GMDS: variants seen among roughly 807,000 people sequenced by gnomAD.
GMDS encodes GDP-mannose 4,6 dehydratase.
GMDS carries 20 observed loss-of-function variants against 49.9 expected under a neutral mutation model. The observed-to-expected ratio is 0.40, with a 90% CI of 0.28 to 0.58. The LOEUF (loss-of-function observed/expected upper bound fraction) is 0.58, where lower values mean the gene tolerates loss of function less well. GMDS is among the 20% of genes least tolerant of loss of function. The pLI, the probability that GMDS is intolerant of heterozygous loss-of-function variation, is 0.42. For synonymous variants in GMDS, 177 were observed against 178.6 expected (o/e 0.99, Z 0.07); for missense variants, 362 against 481.4 (o/e 0.75, Z 2.32).
At chr6:1,637,233 C>A (rs1473198746) in intron 9 of GMDS, among the ~76,000 whole-genome samples, 1 of 152,200 alleles carries the variant, frequency 6.6e-6, no homozygotes, top group Non-Finnish European at 1.5e-5. Context: ...CCTCCCTTGG[C>A]CCTGGTCTCC....
At chr6:1,629,015 A>C (rs1337914855) in intron 9 of GMDS, among the ~76,000 whole-genome samples, 1 of 152,212 alleles carries the variant, frequency 6.6e-6, no homozygotes, top group Non-Finnish European at 1.5e-5. Flanking sequence ...CTTTTTCAGA[A>C]AGGCAGAGCT....
chr6:1,953,254 T>A (rs1292078985), intron 6 of GMDS, among the ~76,000 whole-genome samples: 1 of 152,130 alleles, frequency 6.6e-6, no homozygotes, highest in Non-Finnish European at 1.5e-5. Context: ...AGGCTGCTGT[T>A]CTTAGTGTAG....
chr6:1,930,337 C>T lies in GMDS; in HGVS notation c.644-107G>A, dbSNP rs573418407. ...CTCTGGGCATTTCTTTCATTCTACA[C>T]TCCCAGCCACCCTGTTAAAACAATA... On this transcript the variant is annotated intron_variant, in intron 6 of 10. Transcript: ENST00000380815. 5 of 746,988 alleles carry T rather than the reference C, an allele frequency of 6.7e-6. No individual in the cohort carries two copies. The Admixed American group carries it at 1.1e-4, about 17-fold the overall frequency. 46.3% of individuals were successfully genotyped at this position (746,988 alleles called of 1,614,324 possible).
chr6:2,105,181 C>CAAACAA (rs1774169588), intron 4 of GMDS, among the ~76,000 whole-genome samples: 1 of 64,422 alleles, frequency 1.6e-5, no homozygotes, highest in Non-Finnish European at 3.2e-5. Context: ...GACTCCGTCT[C>CAAACAA]AAAAAAAAAA....
intron 4 of GMDS, among the ~76,000 whole-genome samples, chr6:2,085,643 C>T (rs1238490727): frequency 6.6e-6 from 1 of 152,126 alleles, no homozygotes; most frequent in Non-Finnish European, 1.5e-5. Context: ...GATCCTCTCA[C>T]TTCAGCCTCC....
chr6:2,066,017 G>A lies in GMDS; in HGVS notation c.345+49754C>T, dbSNP rs568567666. On this transcript the variant is annotated intron_variant, in intron 4 of 10. Coordinates refer to ENST00000380815, the MANE Select transcript of GMDS (RefSeq NM_001500.4). ...AAGGAAAAAATGTTAAGGACAGTCA[G>A]AGAGAAAGGTCAGGTTACCCTCAAA... Among the ~76,000 whole-genome samples the A allele has an allele frequency of 2.6e-5, 4 of 152,350 alleles. No individual in the cohort carries two copies. The East Asian group carries it at 7.7e-4, about 29-fold the overall frequency.
intron 1 of GMDS, among the ~76,000 whole-genome samples, chr6:2,146,325 C>G (rs886762882): frequency 6.6e-6 from 1 of 152,004 alleles, no homozygotes; most frequent in South Asian, 2.1e-4. Flanking sequence ...TGGTTAAGTT[C>G]CTAAATAAGG....
chr6:1,847,120 A>G (rs1480269314), intron 7 of GMDS, among the ~76,000 whole-genome samples: 1 of 152,114 alleles, frequency 6.6e-6, no homozygotes, highest in East Asian at 1.9e-4. Context: ...GCAGTGGTGC[A>G]ATCATAGCTC....
intron 9 of GMDS, among the ~76,000 whole-genome samples, chr6:1,646,442 A>G (rs142595619): frequency 6.6e-5 from 10 of 152,322 alleles, no homozygotes; most frequent in African/African-American, 2.2e-4. Context: ...GTTTTGAGAC[A>G]GGGTCTGGCT....
At chr6:1,943,655 T>A (rs997643471) in intron 6 of GMDS, among the ~76,000 whole-genome samples, 2 of 152,218 alleles carry the variant, frequency 1.3e-5, no homozygotes. Flanking sequence ...CTGATACATT[T>A]ATTTTTCAAG....
chr6:1,940,893 C>T (rs185912262), intron 6 of GMDS, among the ~76,000 whole-genome samples: 34 of 152,286 alleles, frequency 2.2e-4, no homozygotes, highest in African/African-American at 7.5e-4. Context: ...GCTGGTTGTG[C>T]TGTGCTTTGC....
chr6:2,233,224 C>T (rs960118513), intron 1 of GMDS, among the ~76,000 whole-genome samples: 1 of 152,216 alleles, frequency 6.6e-6, no homozygotes, highest in South Asian at 2.1e-4. Flanking sequence ...TCTCCCCTCC[C>T]TCCCTAGCTT....
intron 1 of GMDS, among the ~76,000 whole-genome samples, chr6:2,136,400 A>G (rs1440135896): frequency 2.6e-5 from 4 of 152,172 alleles, no homozygotes; most frequent in Admixed American, 2.0e-4. Flanking sequence ...TACATTGACA[A>G]AACTGGTTCA....
chr6:1,781,558 C>A (rs920482630), intron 7 of GMDS, among the ~76,000 whole-genome samples: 4 of 152,192 alleles, frequency 2.6e-5, no homozygotes, highest in Admixed American at 6.5e-5. Flanking sequence ...AGGGCCTACT[C>A]CCCTCTGCTG....
chr6:2,243,337 C>A (rs1781703861), intron 1 of GMDS, among the ~76,000 whole-genome samples: 1 of 152,150 alleles, frequency 6.6e-6, no homozygotes, highest in African/African-American at 2.4e-5. Flanking sequence ...TCTTAAAAGT[C>A]AAAATTAGGT....
chr6:1,887,567 T>C (rs1581308679), intron 7 of GMDS, among the ~76,000 whole-genome samples: 3 of 152,212 alleles, frequency 2.0e-5, no homozygotes, highest in Non-Finnish European at 4.4e-5. Flanking sequence ...CTGCCTTCAT[T>C]ATCAATCATC....
At chr6:2,144,515 C>G (rs981948594) in intron 1 of GMDS, among the ~76,000 whole-genome samples, 43 of 152,308 alleles carry the variant, frequency 2.8e-4, no homozygotes, top group South Asian at 1.2e-3. Flanking sequence ...CAGAGGTGGT[C>G]TCTAGTTGCC....
intron 9 of GMDS, among the ~76,000 whole-genome samples, chr6:1,660,820 C>T (rs924775878): frequency 2.6e-4 from 38 of 147,992 alleles, no homozygotes; most frequent in East Asian, 5.8e-4. Flanking sequence ...TATTCTCATG[C>T]GGACCTGGAG....
chr6:1,733,228 G>A (rs1766883095), intron 8 of GMDS, among the ~76,000 whole-genome samples: 2 of 152,262 alleles, frequency 1.3e-5, no homozygotes, highest in Non-Finnish European at 2.9e-5. Context: ...CCTGGGAAGA[G>A]GCAGGCCAAG....
Sources: allele counts gnomAD v4.1 joint callset (sites outside exome capture counted in the v4.1 genomes callset), GRCh38; gene constraint gnomAD v4.1.1; transcripts MANE v1.5; gene names NCBI Gene and HGNC (gene_info 2026-07-23, HGNC 2026-07-21).